The following GRIK2 variants were observed in gnomAD, a reference collection of about 807,000 sequenced individuals.
GRIK2 encodes glutamate receptor ionotropic, kainate 2.
A neutral mutation model predicts 100.3 loss-of-function variants in GRIK2; 32 were observed. The observed-to-expected ratio is 0.32, with a 90% CI of 0.24 to 0.43. GRIK2 has a LOEUF of 0.43. Among genes scored for constraint, GRIK2 ranks in the 20% least tolerant of loss-of-function variants. The pLI is 1.00. For missense variants in GRIK2, 843 were observed against 1,114.9 expected (o/e 0.76, Z 3.47); for synonymous variants, 417 against 389.4 (o/e 1.07, Z -0.83).
At chr6:101,703,389 G>C (rs1337411) in intron 7 of GRIK2, among the ~76,000 whole-genome samples, 108,310 of 151,762 alleles carry the variant, frequency 0.71, 40,506 homozygotes, top group Middle Eastern at 0.88. Flanking sequence ...GTTTTGAGAA[G>C]GACATGGTCA....
At chr6:101,961,823 T>G (rs1429277260) in intron 14 of GRIK2, among the ~76,000 whole-genome samples, 2 of 152,048 alleles carry the variant, frequency 1.3e-5, no homozygotes, top group Non-Finnish European at 2.9e-5. Flanking sequence ...GCTGTCCAAG[T>G]AGATTCTAAG....
At chr6:101,898,814 A>G (rs1400128290) in intron 12 of GRIK2, among the ~76,000 whole-genome samples, 1 of 151,978 alleles carries the variant, frequency 6.6e-6, no homozygotes, top group African/African-American at 2.4e-5. Flanking sequence ...CATGGATATG[A>G]GAGAAATATC....
At chr6:101,889,906 C>A (rs1204913238) in intron 12 of GRIK2, 43 bp downstream of exon 12, 2 of 1,025,942 alleles carry the variant, frequency 1.9e-6, no homozygotes, top group Admixed American at 1.8e-5. Context: ...ATTGTTACCT[C>A]CTTTATCTAA....
chr6:101,841,732 TAA>T (rs1488080576), intron 10 of GRIK2, among the ~76,000 whole-genome samples: 1 of 152,112 alleles, frequency 6.6e-6, no homozygotes, highest in Non-Finnish European at 1.5e-5. Flanking sequence ...TGGAAAACAA[TAA>T]GTTAGACTCT....
At chr6:102,067,763 C>A (rs1243492006) in intron 16 of GRIK2, among the ~76,000 whole-genome samples, 3 of 151,736 alleles carry the variant, frequency 2.0e-5, no homozygotes, top group Non-Finnish European at 4.4e-5. Context: ...ATGATTAAGT[C>A]ATATTTGTTT....
At chr6:101,984,104 A>C (rs2128490217) in intron 14 of GRIK2, among the ~76,000 whole-genome samples, 1 of 151,920 alleles carries the variant, frequency 6.6e-6, no homozygotes, top group East Asian at 1.9e-4. Context: ...AACTTGTAAT[A>C]AGTTTTAATA....
chr6:101,719,696 A>G lies in GRIK2; in HGVS notation c.951+33343A>G, dbSNP rs115861400. Reference sequence around the variant, plus strand: ...TTATATGAATAGCTGTGCTAAATGCATGAAGGTTTTCTGCCAGCATAGGAG... The same window carrying G: ...TTATATGAATAGCTGTGCTAAATGCGTGAAGGTTTTCTGCCAGCATAGGAG... On this transcript the variant is annotated intron_variant, in intron 7 of 16. Coordinates refer to ENST00000369134, the MANE Select transcript of GRIK2 (RefSeq NM_021956.5). 4.6e-3 allele frequency among the ~76,000 whole-genome samples: 700 copies of G among 152,130 alleles called. 5 individuals carry two copies. Among genetic ancestry groups the G allele is most frequent in the African/African-American group, 0.016 (672 of 41,558 alleles).
At chr6:101,866,601 A>G (rs543371805) in intron 11 of GRIK2, among the ~76,000 whole-genome samples, 4 of 152,242 alleles carry the variant, frequency 2.6e-5, no homozygotes, top group South Asian at 4.1e-4. Context: ...AAGAATTTCT[A>G]TTCCTCTGCA....
intron 2 of GRIK2, among the ~76,000 whole-genome samples, chr6:101,563,054 C>T (rs1278667312): frequency 6.6e-6 from 1 of 152,126 alleles, no homozygotes; most frequent in Admixed American, 6.6e-5. Flanking sequence ...CTGCTCCTAC[C>T]AGCTTTTTGA....
chr6:101,823,223 A>T (rs1782073459), intron 10 of GRIK2, among the ~76,000 whole-genome samples: 1 of 152,124 alleles, frequency 6.6e-6, no homozygotes, highest in Admixed American at 6.6e-5. Flanking sequence ...TTTTCTCTTA[A>T]GAATTGCAAT....
At chr6:101,657,683 G>T (rs949172013) in intron 4 of GRIK2, among the ~76,000 whole-genome samples, 8 of 152,080 alleles carry the variant, frequency 5.3e-5, no homozygotes, top group African/African-American at 1.9e-4. Flanking sequence ...TGATTATTAT[G>T]AGTCTATTAT....
Position 101,494,055 on chromosome 6 carries a change from G to T in GRIK2, c.115+94663G>T, listed in dbSNP as rs2032361. ...ATAATTTATTATATAAAATATATATGATATTTTTATACAAGCAATTTATAA... is the reference window on the plus strand; with the variant it reads ...ATAATTTATTATATAAAATATATATTATATTTTTATACAAGCAATTTATAA... On this transcript the variant is annotated intron_variant, in intron 2 of 16. Coordinates refer to ENST00000369134, the MANE Select transcript of GRIK2 (RefSeq NM_021956.5). 2.1e-3 allele frequency among the ~76,000 whole-genome samples: 310 copies of T among 144,956 alleles called. 3 individuals carry two copies. The highest frequency in any genetic ancestry group is 7.3e-3 in the Middle Eastern group (2 of 274).
At chr6:101,556,397 C>T (rs889060252) in intron 2 of GRIK2, among the ~76,000 whole-genome samples, 3 of 125,714 alleles carry the variant, frequency 2.4e-5, no homozygotes, top group Non-Finnish European at 3.2e-5. Context: ...TGCAGTGGCG[C>T]GATCTCGGCT....
intron 2 of GRIK2, among the ~76,000 whole-genome samples, chr6:101,434,531 T>C (rs1769606993): frequency 6.6e-6 from 1 of 152,208 alleles, no homozygotes; most frequent in Non-Finnish European, 1.5e-5. Context: ...ATGTCATTTA[T>C]ACATTTTTCC....
intron 2 of GRIK2, 94 bp from the exon 3 acceptor site, chr6:101,621,855 A>C (rs1780179857): frequency 3.5e-6 from 3 of 849,540 alleles, no homozygotes; most frequent in Non-Finnish European, 5.8e-6. Flanking sequence ...TTGCACATAT[A>C]TAAAAGTACA....
chr6:101,838,425 A>G (rs780340646), intron 10 of GRIK2, among the ~76,000 whole-genome samples: 58 of 152,232 alleles, frequency 3.8e-4, no homozygotes, highest in Non-Finnish European at 2.2e-4. Flanking sequence ...TATATTTTCA[A>G]TGTGTAACAA....
At chr6:101,865,466 T>G (rs1784991885) in intron 11 of GRIK2, among the ~76,000 whole-genome samples, 1 of 152,178 alleles carries the variant, frequency 6.6e-6, no homozygotes, top group Admixed American at 6.5e-5. Context: ...ATCACAAAAA[T>G]GGAAACACTA....
At chr6:101,533,904 T>A (rs1775564219) in intron 2 of GRIK2, among the ~76,000 whole-genome samples, 1 of 151,946 alleles carries the variant, frequency 6.6e-6, no homozygotes, top group East Asian at 1.9e-4. Flanking sequence ...ACATTTCATA[T>A]TTATTTTGCA....
At chr6:101,876,479 A>G (rs1217459381) in intron 11 of GRIK2, among the ~76,000 whole-genome samples, 1 of 54,274 alleles carries the variant, frequency 1.8e-5, no homozygotes, top group African/African-American at 6.0e-5. Flanking sequence ...TAGAAAACAA[A>G]AACAAACACA....
Sources: gnomAD v4.1 joint callset for allele counts (sites outside exome capture counted in the v4.1 genomes callset) on GRCh38, gnomAD v4.1.1 for gene constraint, MANE v1.5 for transcripts, NCBI Gene and HGNC (gene_info 2026-07-23, HGNC 2026-07-21) for gene names.